DMD: variants seen among roughly 807,000 people sequenced by gnomAD.
The protein encoded by DMD is dystrophin, also known as mutant dystrophin.
In DMD, 63 loss-of-function variants were observed where a neutral mutation model predicts 330.1. That is an observed-to-expected ratio of 0.19 (90% CI 0.16 to 0.24). DMD has a LOEUF of 0.24. Ranked by LOEUF, DMD falls within the 10% of genes least tolerant of loss-of-function variation. The pLI is 1.00. For missense variants in DMD, 3,344 were observed against 2,684.1 expected, an observed-to-expected ratio of 1.25 and a Z score of -5.43; for synonymous variants, 1,223 against 959.8, an observed-to-expected ratio of 1.27 and a Z score of -5.07.
intron 12 of DMD, among the ~76,000 whole-genome samples, chrX:32,604,139 A>G (rs770955500): frequency 1.8e-5 from 2 of 110,635 alleles, no homozygotes; most frequent in African/African-American, 6.5e-5. Context: ...TAACAAAAAG[A>G]TAATACATGA....
At chrX:32,044,690 G>T (rs1224499228) in intron 44 of DMD, among the ~76,000 whole-genome samples, 1 of 111,450 alleles carries the variant, frequency 9.0e-6, no homozygotes, top group Non-Finnish European at 1.9e-5. Flanking sequence ...CCAAAGTGCT[G>T]GGATTACAGG....
chrX:31,985,720 C>T (rs1177164034), intron 44 of DMD, among the ~76,000 whole-genome samples: 1 of 112,023 alleles, frequency 8.9e-6, no homozygotes, highest in African/African-American at 3.2e-5. Context: ...AATAAACAAA[C>T]AAAGATGTAC....
At chrX:32,426,834 T>C (rs975329524) in intron 29 of DMD, among the ~76,000 whole-genome samples, 1 of 111,759 alleles carries the variant, frequency 8.9e-6, no homozygotes, top group Non-Finnish European at 1.9e-5. Context: ...GAGACCATTC[T>C]ACTTAGCAAA....
In DMD at chrX:32,692,009, A is replaced by G. The variant is rs961701608; in HGVS notation, c.960+5861T>C. 3.6e-5 allele frequency among the ~76,000 whole-genome samples: 4 copies of G among 111,138 alleles called. No homozygotes were observed. The Admixed American group carries it at 3.8e-4, about 11-fold the overall frequency. On this transcript the variant is annotated intron_variant, in intron 9 of 78. Transcript: ENST00000357033. ...GTAGTTGCTAGAGGCTGTGGAGAGGAGGAAGTGGGAAGCTGCTAATTAACG... is the reference window on the plus strand; with the variant it reads ...GTAGTTGCTAGAGGCTGTGGAGAGGGGGAAGTGGGAAGCTGCTAATTAACG...
At chrX:31,960,754 A>C (rs1264598621) in intron 45 of DMD, among the ~76,000 whole-genome samples, 2 of 112,316 alleles carry the variant, frequency 1.8e-5, no homozygotes, top group African/African-American at 6.5e-5. Flanking sequence ...CAAGTTGAAA[A>C]AATAAAATAT....
chrX:32,537,221 G>C (rs2048074060), intron 17 of DMD, among the ~76,000 whole-genome samples: 2 of 111,092 alleles, frequency 1.8e-5, no homozygotes, highest in South Asian at 7.5e-4. Context: ...ATTCCAGTCA[G>C]AAATCCAGGA....
At chrX:31,408,476 G>T (rs1217655789) in intron 60 of DMD, among the ~76,000 whole-genome samples, 1 of 110,605 alleles carries the variant, frequency 9.0e-6, no homozygotes, top group Admixed American at 9.6e-5. Context: ...TGCAATCTCA[G>T]CTCACTGCAA....
rs762089096 is a variant in DMD at position 31,380,321 on chromosome X, C to T, written c.9085-31687G>A. 2.8e-3 allele frequency among the ~76,000 whole-genome samples: 305 copies of T among 110,384 alleles called. 1 individual carries two copies. Among genetic ancestry groups the T allele is most frequent in the Non-Finnish European group, 5.2e-3 (274 of 52,900 alleles). Reference sequence around the variant, plus strand: ...TGACTATTCCTAGGCTAGAGCCACACCTCATTGCCGCCTTTTCCCCCAGTT... The same window carrying T: ...TGACTATTCCTAGGCTAGAGCCACATCTCATTGCCGCCTTTTCCCCCAGTT... On this transcript the variant is annotated intron_variant, in intron 60 of 78. Transcript: ENST00000357033.
At chrX:32,065,911 C>T (rs2147734465) in intron 44 of DMD, among the ~76,000 whole-genome samples, 1 of 111,479 alleles carries the variant, frequency 9.0e-6, no homozygotes, top group South Asian at 3.7e-4. Flanking sequence ...ACAAATTTCA[C>T]AGTACCTCTT....
Position 32,715,575 on chromosome X carries a change from C to T in DMD, c.650-16282G>A, listed in dbSNP as rs768508443. On this transcript the variant is annotated intron_variant, in intron 7 of 78. Transcript: ENST00000357033. Reference sequence around the variant, plus strand: ...TTAGGGAGGCCATGGCAGGCAGATACGCAGATCACCTGAGGTCAGGAGTTT... The same window carrying T: ...TTAGGGAGGCCATGGCAGGCAGATATGCAGATCACCTGAGGTCAGGAGTTT... Among the ~76,000 whole-genome samples, 8 of 106,631 alleles carry T rather than the reference C, an allele frequency of 7.5e-5. No homozygotes were observed. In the East Asian group the frequency reaches 8.9e-4, roughly 12 times the overall value. The allele number at this position is 106,631 out of a possible 115,157, so 92.6% of individuals were successfully genotyped here. A position where few individuals can be genotyped will look rare whatever the true frequency, so the allele number is the denominator to read the frequency against.
chrX:32,728,158 C>T lies in DMD; in HGVS notation c.650-28865G>A, dbSNP rs1488613280. ...AGACTACTCTTATGCTCTTACACTG[C>T]TTGTACTAAAACTTGTCTAGAAATA... is the stretch of plus-strand genomic sequence containing the variant. On this transcript the variant is annotated intron_variant, in intron 7 of 78. Transcript: ENST00000357033. 4.5e-5 allele frequency among the ~76,000 whole-genome samples: 5 copies of T among 110,982 alleles called. 1 individual carries two copies. The highest frequency in any genetic ancestry group is 1.6e-4 in the African/African-American group (5 of 30,628).
At position 32,762,158 on chromosome X, in the gene DMD, G is replaced by GAAAAAAAAAAGA. The variant is rs1172743502; in HGVS notation, c.649+47334_649+47335insTCTTTTTTTTTT. The stretch of plus-strand genomic sequence containing the variant: ...AGAGCAAGACTCTGTCTCAAAAAAA[G>GAAAAAAAAAAGA]AAAAAAAAAGAAAAAAAAAATCAAA... On this transcript the variant is annotated intron_variant, in intron 7 of 78. Coordinates refer to ENST00000357033, the MANE Select transcript of DMD (RefSeq NM_004006.3). Among the ~76,000 whole-genome samples, 578 of 88,371 alleles carry GAAAAAAAAAAGA rather than the reference G, an allele frequency of 6.5e-3. 6 individuals are homozygous for GAAAAAAAAAAGA. Among genetic ancestry groups the GAAAAAAAAAAGA allele is most frequent in the African/African-American group, 0.023 (555 of 23,941 alleles). The allele number at this position is 88,371 out of a possible 115,157, so 76.7% of individuals were successfully genotyped here.
intron 44 of DMD, among the ~76,000 whole-genome samples, chrX:31,971,001 A>G: frequency 9.0e-6 from 1 of 111,588 alleles, no homozygotes. Context: ...CACACATCAG[A>G]TGTATACCAT....
In DMD at chrX:32,491,635, G is replaced by A. The variant is rs1171479311; in HGVS notation, c.2381-117C>T. On this transcript the variant is annotated intron_variant, in intron 19 of 78. Transcript: ENST00000357033. ...TCACCACATGAATGATTTCAAACCA[G>A]ATCAATTATTTTCTAAGATATAAAT... is the stretch of plus-strand genomic sequence containing the variant. 4 of 695,169 alleles carry A rather than the reference G, an allele frequency of 5.8e-6. No homozygotes were observed. In the African/African-American group the frequency reaches 8.8e-5, roughly 15 times the overall value. The allele number at this position is 695,169 out of a possible 1,213,427, so 57.3% of individuals were successfully genotyped here.
chrX:32,591,341 C>T (rs886212948), intron 13 of DMD, among the ~76,000 whole-genome samples: 2 of 111,729 alleles, frequency 1.8e-5, no homozygotes, highest in Admixed American at 9.5e-5. Context: ...GAATAACATA[C>T]CTAAAAATAG....
At chrX:31,729,865 G>C (rs1399161014) in intron 51 of DMD, 117 bp from the exon 52 acceptor site, 10 of 592,997 alleles carry the variant, frequency 1.7e-5, no homozygotes, top group Non-Finnish European at 2.6e-5. Flanking sequence ...AAATAAAAAA[G>C]ATGTTACTGT....
intron 1 of DMD, among the ~76,000 whole-genome samples, chrX:33,264,611 T>A (rs773768854): frequency 9.0e-6 from 1 of 110,970 alleles, no homozygotes; most frequent in Non-Finnish European, 1.9e-5. Context: ...ATAAAGTCAG[T>A]TGGATCAGAA....
At chrX:31,968,224 T>A in intron 45 of DMD, 115 bp downstream of exon 45, 1 of 857,055 alleles carries the variant, frequency 1.2e-6, no homozygotes, top group Non-Finnish European at 1.7e-6. Context: ...GGTTGATAGG[T>A]TCTTTAATGT....
At chrX:31,746,804 G>A (rs936600933) in intron 51 of DMD, among the ~76,000 whole-genome samples, 5 of 110,276 alleles carry the variant, frequency 4.5e-5, no homozygotes, top group Non-Finnish European at 9.5e-5. Flanking sequence ...ATGTGTCTGT[G>A]AGCACTCACA....
Sources: gnomAD v4.1 joint callset for allele counts (sites outside exome capture counted in the v4.1 genomes callset) on GRCh38, gnomAD v4.1.1 for gene constraint, MANE v1.5 for transcripts, NCBI Gene and HGNC (gene_info 2026-07-23, HGNC 2026-07-21) for gene names.